The following TMEM131 variants were observed in gnomAD, a reference collection of about 807,000 sequenced individuals.
TMEM131 encodes the protein transmembrane protein 131, also known as 2610524E03Rik.
TMEM131 carries 66 observed loss-of-function variants against 211.6 expected under a neutral mutation model. The observed-to-expected ratio is 0.31, with a 90% CI of 0.26 to 0.38. The LOEUF (loss-of-function observed/expected upper bound fraction) is 0.38, where lower values mean the gene tolerates loss of function less well. TMEM131 is among the 10% of genes least tolerant of loss of function. The probability of loss-of-function intolerance (pLI) is 1.00; values close to 1 mark genes in which losing one functional copy is unlikely to be tolerated. For synonymous variants in TMEM131, 844 were observed against 841.3 expected (o/e 1.00, Z -0.06); for missense variants, 2,036 against 2,299.3 (o/e 0.89, Z 2.34).
Position 97,805,546 on chromosome 2 carries a change from C to G in TMEM131, c.2208+5G>C, listed in dbSNP as rs1681256429. On this transcript the variant is annotated splice_donor_5th_base_variant and intron_variant, in intron 20 of 40. Transcript: ENST00000186436. ...TGGGAATTCTCAAATATAATATCTT[C>G]AAACCTTTGATTTTTTTCCTGGCTC... The G allele has an allele frequency of 2.5e-6, 4 of 1,608,444 alleles. No homozygotes were observed. Among genetic ancestry groups the G allele is most frequent in the Non-Finnish European group, 3.4e-6 (4 of 1,176,056 alleles).
chr2:97,766,139 G>A lies in TMEM131; in HGVS notation c.4698C>T (p.Ser1566=), dbSNP rs371962451. ...AGCTGCCAGGTTTGTGAACTGGAACGGAATCCCACTCCGGTGGAGGAGAGT... is the reference window on the plus strand; with the variant it reads ...AGCTGCCAGGTTTGTGAACTGGAACAGAATCCCACTCCGGTGGAGGAGAGT... The part of the protein sequence containing the change: ...EKDSPPPEWD[S]VPVHKPGSST... Residue 1566 remains serine, a synonymous_variant, in exon 35 of 41, where the codon TCC becomes TCT. Coordinates refer to ENST00000186436, the MANE Select transcript of TMEM131 (RefSeq NM_015348.2). The A allele has an allele frequency of 1.0e-4, 168 of 1,613,926 alleles. No homozygotes were observed. Among genetic ancestry groups the A allele is most frequent in the Middle Eastern group, 1.6e-4 (1 of 6,084 alleles).
intron 1 of TMEM131, among the ~76,000 whole-genome samples, chr2:97,984,023 C>T (rs964034345): frequency 1.3e-5 from 2 of 152,172 alleles, no homozygotes; most frequent in Non-Finnish European, 1.5e-5. Context: ...AAGGTTTTTA[C>T]TTGGGGCTAG....
intron 1 of TMEM131, among the ~76,000 whole-genome samples, chr2:97,981,784 T>C (rs1679810834): frequency 6.6e-6 from 1 of 152,232 alleles, no homozygotes; most frequent in African/African-American, 2.4e-5. Flanking sequence ...GGACATTTCA[T>C]ATAAATGGCT....
chr2:97,877,337 T>C (rs1460756568), intron 4 of TMEM131, among the ~76,000 whole-genome samples: 3 of 152,116 alleles, frequency 2.0e-5, no homozygotes, highest in Non-Finnish European at 4.4e-5. Flanking sequence ...ACTTTCTTCA[T>C]AGAATTGGAA....
At chr2:97,904,285 A>T (rs1232911282) in intron 3 of TMEM131, among the ~76,000 whole-genome samples, 1 of 152,166 alleles carries the variant, frequency 6.6e-6, no homozygotes, top group Admixed American at 6.6e-5. Context: ...GGGGTAAAAT[A>T]GCATCATGTC....
At chr2:97,962,790 T>C (rs1035520719) in intron 1 of TMEM131, among the ~76,000 whole-genome samples, 2 of 152,190 alleles carry the variant, frequency 1.3e-5, no homozygotes, top group African/African-American at 4.8e-5. Flanking sequence ...CCCAGAAATC[T>C]ATTAACAGGT....
At chr2:97,859,983 C>T (rs1324546051) in intron 4 of TMEM131, among the ~76,000 whole-genome samples, 1 of 152,218 alleles carries the variant, frequency 6.6e-6, no homozygotes, top group Non-Finnish European at 1.5e-5. Flanking sequence ...GCTTTAACCG[C>T]CAGTACTGAA....
chr2:97,780,669 G>A (rs545113138), intron 31 of TMEM131, among the ~76,000 whole-genome samples: 2 of 151,950 alleles, frequency 1.3e-5, no homozygotes, highest in East Asian at 3.9e-4. Context: ...ATTATTATTT[G>A]CCAATTAAAA....
chr2:97,833,449 A>T, intron 10 of TMEM131, 23 bp from the exon 11 acceptor site: 1 of 1,156,094 alleles, frequency 8.6e-7, no homozygotes, highest in Admixed American at 2.6e-5. Context: ...AGGAAAAGAA[A>T]TATTTCTTAA....
chr2:97,777,291 T>A (rs1242709114), intron 31 of TMEM131, among the ~76,000 whole-genome samples: 1 of 152,252 alleles, frequency 6.6e-6, no homozygotes, highest in Non-Finnish European at 1.5e-5. Flanking sequence ...ATCTTTTCGA[T>A]AATGGTGACT....
intron 11 of TMEM131, among the ~76,000 whole-genome samples, chr2:97,831,058 G>T (rs115828969): frequency 6.6e-6 from 1 of 152,132 alleles, no homozygotes; most frequent in African/African-American, 2.4e-5. Flanking sequence ...CAGTTTCCAC[G>T]GTAGGTGGGC....
intron 1 of TMEM131, among the ~76,000 whole-genome samples, chr2:97,934,295 C>T (rs1194301218): frequency 6.6e-6 from 1 of 152,056 alleles, no homozygotes. Context: ...AAATGAAGTA[C>T]CTCAGATATA....
intron 5 of TMEM131, among the ~76,000 whole-genome samples, chr2:97,851,144 G>A (rs768258938): frequency 7.3e-5 from 11 of 151,700 alleles, no homozygotes; most frequent in Admixed American, 3.3e-4. Flanking sequence ...CCAGATCCAT[G>A]GCTTCAGATA....
chr2:97,923,736 G>A (rs1199798630), intron 2 of TMEM131, among the ~76,000 whole-genome samples: 1 of 151,200 alleles, frequency 6.6e-6, no homozygotes, highest in African/African-American at 2.4e-5. Flanking sequence ...TATTATTCTG[G>A]CAGGATAGTG....
chr2:97,863,801 G>A (rs1674160575), intron 4 of TMEM131, among the ~76,000 whole-genome samples: 1 of 152,146 alleles, frequency 6.6e-6, no homozygotes, highest in African/African-American at 2.4e-5. Flanking sequence ...ACAAACACTA[G>A]GAACAACAGT....
chr2:97,860,269 C>T (rs889704797), intron 4 of TMEM131, among the ~76,000 whole-genome samples: 1 of 152,206 alleles, frequency 6.6e-6, no homozygotes, highest in African/African-American at 2.4e-5. Flanking sequence ...TCAATCCAGA[C>T]CTTCCACCTG....
intron 2 of TMEM131, among the ~76,000 whole-genome samples, chr2:97,911,015 G>T (rs1023604339): frequency 6.6e-6 from 1 of 152,094 alleles, no homozygotes; most frequent in African/African-American, 2.4e-5. Context: ...CTCAGTATTG[G>T]AACAGCCCAA....
At chr2:97,845,789 G>C (rs150292159) in intron 5 of TMEM131, among the ~76,000 whole-genome samples, 1 of 146,234 alleles carries the variant, frequency 6.8e-6, no homozygotes, top group Non-Finnish European at 1.5e-5. Context: ...TAAAACCGAA[G>C]CTGGTGCCTC....
At chr2:97,902,409 T>C (rs1675893941) in intron 3 of TMEM131, among the ~76,000 whole-genome samples, 1 of 152,196 alleles carries the variant, frequency 6.6e-6, no homozygotes, top group Non-Finnish European at 1.5e-5. Context: ...TGGAGCCAGA[T>C]TTCTCATTGT....
Sources: allele counts gnomAD v4.1 joint callset (sites outside exome capture counted in the v4.1 genomes callset), GRCh38; gene constraint gnomAD v4.1.1; transcripts MANE v1.5; gene names NCBI Gene and HGNC (gene_info 2026-07-23, HGNC 2026-07-21).